C14orf132: variants seen among roughly 807,000 people sequenced by gnomAD.
C14orf132 encodes the protein chromosome 14 open reading frame 132.
A neutral mutation model predicts 5.8 loss-of-function variants in C14orf132; 6 were observed. The ratio of observed to expected loss-of-function variants is 1.03; its 90% CI spans 0.57 to 2.04. The LOEUF is 2.04. Ranked by LOEUF, C14orf132 falls within the 30% of genes most tolerant of loss-of-function variation. The pLI is 0.00. For missense variants in C14orf132, 125 were observed against 115.8 expected, an observed-to-expected ratio of 1.08 and a Z score of -0.37; for synonymous variants, 51 against 49.8, an observed-to-expected ratio of 1.02 and a Z score of -0.10.
chr14:96,068,193 G>A (rs1212983581), intron 1 of C14orf132, among the ~76,000 whole-genome samples: 1 of 152,164 alleles, frequency 6.6e-6, no homozygotes, highest in African/African-American at 2.4e-5. Context: ...AGAAAGGCTC[G>A]GTAGCTCCCT....
chr14:96,074,850 T>C (rs1253073504), intron 1 of C14orf132, among the ~76,000 whole-genome samples: 1 of 146,608 alleles, frequency 6.8e-6, no homozygotes, highest in African/African-American at 2.5e-5. Flanking sequence ...TACAGTAGCA[T>C]GAGTTCACCA....
intron 1 of C14orf132, among the ~76,000 whole-genome samples, chr14:96,078,340 C>T (rs1887935451): frequency 6.6e-6 from 1 of 152,264 alleles, no homozygotes; most frequent in South Asian, 2.1e-4. Flanking sequence ...ACTGCCAGCT[C>T]ACAGGAGCCT....
intron 1 of C14orf132, among the ~76,000 whole-genome samples, chr14:96,076,516 CA>C (rs1438316503): frequency 6.6e-6 from 1 of 151,902 alleles, no homozygotes; most frequent in Non-Finnish European, 1.5e-5. Context: ...TAGTTTAGAT[CA>C]GGGGTGTCCA....
intron 1 of C14orf132, among the ~76,000 whole-genome samples, chr14:96,083,275 A>G (rs1305748951): frequency 1.3e-5 from 2 of 152,184 alleles, no homozygotes; most frequent in African/African-American, 4.8e-5. Flanking sequence ...CTTGCCTTCA[A>G]GAGTTCTCTG....
At chr14:96,078,906 G>A (rs1262070538) in intron 1 of C14orf132, among the ~76,000 whole-genome samples, 3 of 152,256 alleles carry the variant, frequency 2.0e-5, no homozygotes, top group Non-Finnish European at 2.9e-5. Flanking sequence ...TCCACCCTTT[G>A]CTGACCCTCC....
At chr14:96,041,057 C>A (rs1280204504) in intron 1 of C14orf132, among the ~76,000 whole-genome samples, 3 of 152,228 alleles carry the variant, frequency 2.0e-5, no homozygotes, top group Non-Finnish European at 4.4e-5. Context: ...CAGGCAGAAT[C>A]TGCCCAGAGA....
chr14:96,066,649 GA>G lies in C14orf132; in HGVS notation c.28-19861del, dbSNP rs1887537208. On this transcript the variant is annotated intron_variant, in intron 1 of 1. Transcript: ENST00000555004. ...GATGTGCTAGGCACCGGGATTCAAA[GA>G]GAAGTTAGACTCAACCCGTATCCTA... is the stretch of plus-strand genomic sequence containing the variant. Among the ~76,000 whole-genome samples, 4 of 152,206 alleles carry G rather than the reference GA, an allele frequency of 2.6e-5. No homozygotes were observed. The South Asian group carries it at 8.3e-4, about 32-fold the overall frequency.
chr14:96,049,542 G>A (rs1458338882), intron 1 of C14orf132, among the ~76,000 whole-genome samples: 2 of 114,456 alleles, frequency 1.7e-5, no homozygotes, highest in Non-Finnish European at 3.8e-5. Context: ...ATATACATAC[G>A]TATATATATA....
intron 1 of C14orf132, among the ~76,000 whole-genome samples, chr14:96,074,172 C>T (rs1288193129): frequency 3.3e-5 from 5 of 152,132 alleles, no homozygotes. Context: ...GCACATGGAC[C>T]CCAGAACTTG....
chr14:96,074,480 A>G (rs1390302243), intron 1 of C14orf132, among the ~76,000 whole-genome samples: 2 of 151,784 alleles, frequency 1.3e-5, no homozygotes, highest in African/African-American at 4.8e-5. Flanking sequence ...TATTTTTCTA[A>G]ACGTGTTATA....
intron 1 of C14orf132, among the ~76,000 whole-genome samples, chr14:96,063,066 A>G (rs572121842): frequency 1.3e-5 from 2 of 152,250 alleles, no homozygotes; most frequent in South Asian, 4.1e-4. Context: ...TGATGCTTTT[A>G]AAGAGTTTGG....
chr14:96,066,765 C>T (rs991871887), intron 1 of C14orf132, among the ~76,000 whole-genome samples: 1 of 151,974 alleles, frequency 6.6e-6, no homozygotes, highest in Non-Finnish European at 1.5e-5. Context: ...GATAATGTAA[C>T]ATAACATAAT....
chr14:96,085,831 A>T (rs1057398900), intron 1 of C14orf132, among the ~76,000 whole-genome samples: 13 of 152,278 alleles, frequency 8.5e-5, no homozygotes, highest in Middle Eastern at 3.4e-3. Context: ...ACACTAGGGG[A>T]GTGGTTAAAC....
Position 96,039,466 on chromosome 14 carries a change from G to A in C14orf132, c.-35G>A. The A allele has an allele frequency of 1.3e-6, 2 of 1,492,164 alleles. No homozygotes were observed. The highest frequency in any genetic ancestry group is 1.8e-6 in the Non-Finnish European group (2 of 1,122,598). 92.4% of individuals were successfully genotyped at this position (1,492,164 alleles called of 1,614,324 possible). A position where few individuals can be genotyped will look rare whatever the true frequency, so the allele number is the denominator to read the frequency against. On this transcript the variant is annotated 5_prime_UTR_variant, in exon 1 of 2. Transcript: ENST00000555004. The surrounding 1 kb of genome is among the most constrained non-coding windows in gnomAD (Gnocchi z 5.3). ...CGGCTGACCCGCAGCGGCAGCGGCA[G>A]CAGCGAGGACTCGAGCGCTGGCTGC... is the stretch of plus-strand genomic sequence containing the variant.
rs192986178 is a variant in C14orf132 at position 96,049,971 on chromosome 14, C to G, written c.27+10444C>G. ...TATATAAAAACATATCTCTTCCATT[C>G]TCTTCTTAACATGTTCATTGTTACC... is the stretch of plus-strand genomic sequence containing the variant. On this transcript the variant is annotated intron_variant, in intron 1 of 1. Transcript: ENST00000555004. Among the ~76,000 whole-genome samples the G allele has an allele frequency of 5.7e-3, 863 of 151,966 alleles. 2 individuals are homozygous for G. The highest frequency in any genetic ancestry group is 0.02 in the Middle Eastern group (6 of 294).
chr14:96,070,614 A>T (rs1242694302), intron 1 of C14orf132, among the ~76,000 whole-genome samples: 4 of 151,132 alleles, frequency 2.6e-5, no homozygotes, highest in African/African-American at 9.8e-5. Flanking sequence ...ACACACACAC[A>T]CACACACACA....
At chr14:96,043,771 G>A (rs1004169002) in intron 1 of C14orf132, among the ~76,000 whole-genome samples, 2 of 152,088 alleles carry the variant, frequency 1.3e-5, no homozygotes, top group Admixed American at 1.3e-4. Context: ...TCACCCTTAG[G>A]CCATTAAAAA....
rs1012444247 is a variant in C14orf132 at position 96,089,878 on chromosome 14, T to C, written c.*3143T>C. On this transcript the variant is annotated 3_prime_UTR_variant, in exon 2 of 2. Coordinates refer to ENST00000555004, the MANE Select transcript of C14orf132 (RefSeq NM_001252507.3). ...AGCCAGAAGTGCAGAGTCAGAGTCC[T>C]GGGACCATCTTGTTCTGCAAGGTGA... The C allele has an allele frequency of 3.9e-5, 6 of 152,290 alleles. No homozygotes were observed. The highest frequency in any genetic ancestry group is 1.2e-4 in the African/African-American group (5 of 41,428). The allele number at this position is 152,290 out of a possible 1,614,324, so 9.4% of individuals were successfully genotyped here.
At chr14:96,044,654 TG>T (rs1287635461) in intron 1 of C14orf132, among the ~76,000 whole-genome samples, 41 of 151,714 alleles carry the variant, frequency 2.7e-4, no homozygotes, top group Admixed American at 2.7e-3. Flanking sequence ...CTGAAGGTGC[TG>T]GGGGTGGGGG....
Sources: allele counts gnomAD v4.1 joint callset (sites outside exome capture counted in the v4.1 genomes callset), GRCh38; gene constraint gnomAD v4.1.1; non-coding constraint Gnocchi (gnomAD v3.1); transcripts MANE v1.5; gene names NCBI Gene and HGNC (gene_info 2026-07-23, HGNC 2026-07-21).